Variants in RBFOX1 observed in about 807,000 individuals in gnomAD.
The protein encoded by RBFOX1 is RNA binding fox-1 homolog 1, also known as RNA binding protein fox-1 homolog 1.
In RBFOX1, 8 loss-of-function variants were observed where a neutral mutation model predicts 57.7. The ratio of observed to expected loss-of-function variants is 0.14; its 90% confidence interval spans 0.08 to 0.25. The LOEUF (loss-of-function observed/expected upper bound fraction) is 0.25. RBFOX1 is among the 10% of genes least tolerant of loss of function. RBFOX1 has a pLI of 1.00. For missense variants in RBFOX1, 611 were observed against 548.5 expected (o/e 1.11, Z -1.14); for synonymous variants, 326 against 222.4 (o/e 1.47, Z -4.15).
intron 2 of RBFOX1, among the ~76,000 whole-genome samples, chr16:6,455,850 A>T (rs532820271): frequency 6.6e-6 from 1 of 152,280 alleles, no homozygotes; most frequent in East Asian, 1.9e-4. Flanking sequence ...AAACCATGAG[A>T]TTATTAAAAG....
At chr16:6,924,223 T>C (rs1233037311) in intron 3 of RBFOX1, among the ~76,000 whole-genome samples, 2 of 151,578 alleles carry the variant, frequency 1.3e-5, no homozygotes, top group Admixed American at 1.3e-4. Flanking sequence ...ACTGGGTAAT[T>C]TATAAAGAAA....
chr16:6,742,659 T>A (rs1315226952), intron 3 of RBFOX1, among the ~76,000 whole-genome samples: 1 of 152,170 alleles, frequency 6.6e-6, no homozygotes, highest in Non-Finnish European at 1.5e-5. Context: ...CAATAAAAAC[T>A]GAATGAACTA....
At chr16:6,517,212 G>A (rs544014557) in intron 2 of RBFOX1, among the ~76,000 whole-genome samples, 1 of 152,108 alleles carries the variant, frequency 6.6e-6, no homozygotes, top group African/African-American at 2.4e-5. Context: ...AGGGCGTGAT[G>A]ATATATGGCC....
chr16:6,116,589 C>T (rs932061039), intron 1 of RBFOX1, among the ~76,000 whole-genome samples: 1 of 152,100 alleles, frequency 6.6e-6, no homozygotes, highest in Non-Finnish European at 1.5e-5. Flanking sequence ...AGGAGAGGAG[C>T]AGAGTGAAGA....
chr16:6,404,467 A>T lies in RBFOX1; in HGVS notation c.-64+87410A>T, dbSNP rs571436803. On this transcript the variant is annotated intron_variant, in intron 2 of 15. Transcript: ENST00000550418. ...AGTTACAAATGCAATTTTCCCCTAA[A>T]GTAACTTGGTTCCAAAAGAGTACGC... 9.8e-5 allele frequency among the ~76,000 whole-genome samples: 15 copies of T among 152,292 alleles called. No individual in the cohort carries two copies. The South Asian group carries it at 1.7e-3, about 17-fold the overall frequency.
intron 2 of RBFOX1, among the ~76,000 whole-genome samples, chr16:6,366,037 C>G (rs1330879444): frequency 6.6e-6 from 1 of 151,250 alleles, no homozygotes; most frequent in East Asian, 1.9e-4. Flanking sequence ...TTCTTTGGCT[C>G]CTTGCCTGAC....
intron 2 of RBFOX1, among the ~76,000 whole-genome samples, chr16:5,574,559 T>C (rs11076934): frequency 0.89 from 135,442 of 151,992 alleles, 60,440 homozygotes; most frequent in East Asian, 1. Context: ...GGGATTACGG[T>C]GCCTGCCACC....
intron 4 of RBFOX1, among the ~76,000 whole-genome samples, chr16:7,431,569 A>G (rs2098680538): frequency 1.3e-5 from 2 of 152,206 alleles, no homozygotes; most frequent in African/African-American, 4.8e-5. Flanking sequence ...TTATTTTTAA[A>G]AAATGCTGGT....
At chr16:6,116,676 G>A (rs2096498642) in intron 1 of RBFOX1, among the ~76,000 whole-genome samples, 1 of 152,192 alleles carries the variant, frequency 6.6e-6, no homozygotes, top group Non-Finnish European at 1.5e-5. Context: ...ATGTGCGACA[G>A]CATCTTTCAT....
At chr16:7,184,913 C>T (rs992222550) in intron 4 of RBFOX1, among the ~76,000 whole-genome samples, 1 of 151,976 alleles carries the variant, frequency 6.6e-6, no homozygotes, top group East Asian at 1.9e-4. Flanking sequence ...CATAATAATG[C>T]TTACTTGGTG....
intron 4 of RBFOX1, among the ~76,000 whole-genome samples, chr16:7,145,599 C>A (rs970694655): frequency 2.0e-5 from 3 of 152,076 alleles, no homozygotes; most frequent in Non-Finnish European, 4.4e-5. Flanking sequence ...CTGTGTTTTA[C>A]CCCTCTCGGT....
At chr16:7,211,364 C>A (rs2091099602) in intron 4 of RBFOX1, among the ~76,000 whole-genome samples, 1 of 133,810 alleles carries the variant, frequency 7.5e-6, no homozygotes, top group African/African-American at 2.9e-5. Context: ...TGCGCCCCAG[C>A]CTGGGCGACA....
chr16:7,234,437 G>A (rs1014336391), intron 4 of RBFOX1, among the ~76,000 whole-genome samples: 1 of 152,038 alleles, frequency 6.6e-6, no homozygotes, highest in Non-Finnish European at 1.5e-5. Context: ...AACAGTGCAA[G>A]ATGCCATCAA....
chr16:6,012,043 C>A (rs982463620), intron 4 of RBFOX1, among the ~76,000 whole-genome samples: 10 of 152,186 alleles, frequency 6.6e-5, no homozygotes, highest in African/African-American at 2.4e-4. Flanking sequence ...GAGCTGTTAC[C>A]CTGTGCCAGG....
intron 1 of RBFOX1, among the ~76,000 whole-genome samples, chr16:6,082,996 G>T (rs1567412955): frequency 9.0e-6 from 1 of 111,648 alleles, no homozygotes; most frequent in Admixed American, 8.5e-5. Context: ...TTTTGTTTGT[G>T]TGTTTGTTTG....
intron 4 of RBFOX1, among the ~76,000 whole-genome samples, chr16:5,941,244 C>G (rs935651773): frequency 1.3e-5 from 2 of 152,000 alleles, no homozygotes; most frequent in Non-Finnish European, 2.9e-5. Flanking sequence ...AATCCCAATG[C>G]TTTGGAAGGC....
chr16:6,304,849 A>C lies in RBFOX1; in HGVS notation c.-126-12146A>C, dbSNP rs28627957. ...CATCATGCCACTGACTATACTCCAG[A>C]CTGGGTGACACAGTGAGACCCTGTC... is the stretch of plus-strand genomic sequence containing the variant. On this transcript the variant is annotated intron_variant, in intron 1 of 15. Transcript: ENST00000550418. 8.4e-3 allele frequency among the ~76,000 whole-genome samples: 1,179 copies of C among 140,648 alleles called. 21 individuals carry two copies. Among genetic ancestry groups the C allele is most frequent in the African/African-American group, 0.031 (1,110 of 35,254 alleles). The allele number at this position is 140,648 out of a possible 152,430, so 92.3% of individuals were successfully genotyped here. A position where few individuals can be genotyped will look rare whatever the true frequency, so the allele number is the denominator to read the frequency against.
At chr16:6,771,512 C>T (rs774361006) in intron 3 of RBFOX1, among the ~76,000 whole-genome samples, 3 of 152,054 alleles carry the variant, frequency 2.0e-5, no homozygotes, top group Non-Finnish European at 4.4e-5. Flanking sequence ...CTAGCAAACC[C>T]TAGCAAGCTG....
At chr16:6,675,277 T>G (rs1023899749) in intron 3 of RBFOX1, among the ~76,000 whole-genome samples, 4 of 152,298 alleles carry the variant, frequency 2.6e-5, no homozygotes, top group Admixed American at 2.6e-4. Context: ...CATATTTCCA[T>G]GTCTGAAAAT....
Sources: allele counts gnomAD v4.1 joint callset (sites outside exome capture counted in the v4.1 genomes callset), GRCh38; gene constraint gnomAD v4.1.1; transcripts MANE v1.5; gene names NCBI Gene and HGNC (gene_info 2026-07-23, HGNC 2026-07-21).